Variants in CHODL observed in about 807,000 individuals in gnomAD.
The protein encoded by CHODL is transmembrane protein MT75.
A neutral mutation model predicts 34.5 loss-of-function variants in CHODL; 29 were observed. That is an observed-to-expected ratio of 0.84 (90% CI 0.63 to 1.15). The LOEUF (loss-of-function observed/expected upper bound fraction) is 1.15, where lower values mean the gene tolerates loss of function less well. Ranked by LOEUF, CHODL falls within the 50% of genes most tolerant of loss-of-function variation. The pLI is 0.00. For synonymous variants in CHODL, 125 were observed against 116.1 expected, an observed-to-expected ratio of 1.08 and a Z score of -0.49; for missense variants, 332 against 332.5, an observed-to-expected ratio of 1.00 and a Z score of 0.01.
intron 2 of CHODL, among the ~76,000 whole-genome samples, chr21:18,233,024 G>A (rs2073997663): frequency 1.4e-5 from 2 of 144,160 alleles, no homozygotes; most frequent in Non-Finnish European, 3.0e-5. Flanking sequence ...AGTGTGGAAT[G>A]ATTGAATCAA....
chr21:18,194,314 G>A (rs1204804360), intron 2 of CHODL, among the ~76,000 whole-genome samples: 3 of 151,992 alleles, frequency 2.0e-5, no homozygotes, highest in South Asian at 2.1e-4. Flanking sequence ...CCTGTAATCA[G>A]CCCCCTGCCC....
intron 1 of CHODL, among the ~76,000 whole-genome samples, chr21:17,942,236 C>T (rs1348157754): frequency 1.3e-5 from 2 of 152,154 alleles, no homozygotes; most frequent in Non-Finnish European, 2.9e-5. Flanking sequence ...TATGGTTTGG[C>T]TGTGTCCCCA....
intron 1 of CHODL, among the ~76,000 whole-genome samples, chr21:17,957,605 C>T (rs1158609280): frequency 6.6e-6 from 1 of 151,968 alleles, no homozygotes; most frequent in Non-Finnish European, 1.5e-5. Flanking sequence ...TGCTCATATT[C>T]TATAAACCAG....
intron 1 of CHODL, among the ~76,000 whole-genome samples, chr21:17,927,360 G>A (rs142964795): frequency 6.6e-6 from 1 of 151,896 alleles, no homozygotes; most frequent in Non-Finnish European, 1.5e-5. Context: ...TGTCTTTAGC[G>A]CTTATAACAT....
chr21:18,156,140 AT>A (rs2073031866), intron 2 of CHODL, among the ~76,000 whole-genome samples: 1 of 152,142 alleles, frequency 6.6e-6, no homozygotes, highest in Admixed American at 6.6e-5. Context: ...ACCTGGGATA[AT>A]TTTTTGATGA....
At chr21:18,040,169 A>T (rs1478444925) in intron 2 of CHODL, among the ~76,000 whole-genome samples, 2 of 151,880 alleles carry the variant, frequency 1.3e-5, no homozygotes, top group Non-Finnish European at 2.9e-5. Context: ...TCAAAAACAG[A>T]TTACAAAGTA....
intron 2 of CHODL, among the ~76,000 whole-genome samples, chr21:18,114,258 T>TTTAAAA (rs2065385869): frequency 6.6e-6 from 1 of 152,144 alleles, no homozygotes; most frequent in Admixed American, 6.6e-5. Flanking sequence ...CAATGATAAC[T>TTTAAAA]TACTTGCATA....
intron 2 of CHODL, among the ~76,000 whole-genome samples, chr21:18,189,660 A>G (rs1312878508): frequency 1.5e-5 from 2 of 133,022 alleles, no homozygotes; most frequent in Admixed American, 8.6e-5. Flanking sequence ...TTTGAGATAG[A>G]GTCTCGCTCT....
At chr21:17,945,337 T>A (rs894444350) in intron 1 of CHODL, among the ~76,000 whole-genome samples, 1 of 151,356 alleles carries the variant, frequency 6.6e-6, no homozygotes, top group Non-Finnish European at 1.5e-5. Context: ...AATACACAGA[T>A]AGATTTCTAA....
At chr21:18,061,447 G>A (rs2064664240) in intron 2 of CHODL, among the ~76,000 whole-genome samples, 1 of 152,182 alleles carries the variant, frequency 6.6e-6, no homozygotes, top group Admixed American at 6.5e-5. Context: ...ATAACTGATA[G>A]ATGACAGAGA....
At chr21:18,077,616 T>G (rs2064881730) in intron 2 of CHODL, among the ~76,000 whole-genome samples, 1 of 152,122 alleles carries the variant, frequency 6.6e-6, no homozygotes, top group African/African-American at 2.4e-5. Flanking sequence ...CGGATGAGAT[T>G]AGTGCCCTTA....
chr21:18,124,680 C>T (rs1373775739), intron 2 of CHODL, among the ~76,000 whole-genome samples: 1 of 152,062 alleles, frequency 6.6e-6, no homozygotes, highest in African/African-American at 2.4e-5. Context: ...ACATAAATGG[C>T]CTGCTTTGCA....
chr21:17,996,805 G>T (rs1458136493), intron 1 of CHODL, among the ~76,000 whole-genome samples: 1 of 152,074 alleles, frequency 6.6e-6, no homozygotes, highest in Admixed American at 6.5e-5. Context: ...GACTATTTTT[G>T]CAGAATTTAT....
chr21:17,921,969 G>C (rs1435489330), intron 1 of CHODL, among the ~76,000 whole-genome samples: 2 of 147,782 alleles, frequency 1.4e-5, no homozygotes, highest in East Asian at 4.0e-4. Flanking sequence ...TTGACAGATT[G>C]TCCAGATTTA....
chr21:18,025,347 CTA>C (rs2146430702), intron 1 of CHODL, among the ~76,000 whole-genome samples: 1 of 152,142 alleles, frequency 6.6e-6, no homozygotes, highest in East Asian at 1.9e-4. Context: ...ATATTTTGCT[CTA>C]TGATTATTAA....
intron 2 of CHODL, among the ~76,000 whole-genome samples, chr21:18,223,649 G>A (rs1031163517): frequency 6.6e-5 from 10 of 152,122 alleles, no homozygotes; most frequent in Admixed American, 3.3e-4. Context: ...TGTTTCTCCC[G>A]TCGTTCTCTC....
At chr21:18,225,084 G>T (rs2073919175) in intron 2 of CHODL, among the ~76,000 whole-genome samples, 1 of 152,082 alleles carries the variant, frequency 6.6e-6, no homozygotes, top group Non-Finnish European at 1.5e-5. Flanking sequence ...GAATGGAATT[G>T]CAGGCTGGTG....
intron 2 of CHODL, among the ~76,000 whole-genome samples, chr21:18,056,669 C>G (rs1319547360): frequency 6.6e-6 from 1 of 151,924 alleles, no homozygotes; most frequent in Non-Finnish European, 1.5e-5. Context: ...TTTTTCATCT[C>G]TTTAACTTCT....
At chr21:17,947,678 G>A (rs756409065) in intron 1 of CHODL, among the ~76,000 whole-genome samples, 8 of 152,076 alleles carry the variant, frequency 5.3e-5, no homozygotes, top group East Asian at 1.9e-4. Flanking sequence ...ATGTTGGCAA[G>A]GATTTGGGAA....
Sources: gnomAD v4.1 joint callset for allele counts (sites outside exome capture counted in the v4.1 genomes callset) on GRCh38, gnomAD v4.1.1 for gene constraint, MANE v1.5 for transcripts, NCBI Gene and HGNC (gene_info 2026-07-23, HGNC 2026-07-21) for gene names.